The following INSL6 variants were observed in gnomAD, a reference collection of about 807,000 sequenced individuals.
The protein encoded by INSL6 is insulin-like peptide INSL6.
A neutral mutation model predicts 9.4 loss-of-function variants in INSL6; 16 were observed. The ratio of observed to expected loss-of-function variants is 1.70; its 90% CI spans 1.15 to 2.59. The LOEUF (loss-of-function observed/expected upper bound fraction) is 2.59. Among genes scored for constraint, INSL6 ranks in the 30% most tolerant of loss-of-function variants. The pLI, the probability that INSL6 is intolerant of heterozygous loss-of-function variation, is 0.00. For missense variants in INSL6, 391 were observed against 257.3 expected, an observed-to-expected ratio of 1.52 and a Z score of -3.56; for synonymous variants, 154 against 96.9, an observed-to-expected ratio of 1.59 and a Z score of -3.46.
chr9:5,129,268 T>G (rs1404273666), intron 3 of INSL6, among the ~76,000 whole-genome samples: 1 of 152,060 alleles, frequency 6.6e-6, no homozygotes, highest in African/African-American at 2.4e-5. Context: ...TAAATTGAAA[T>G]AGTGATGTAG....
At chr9:5,100,701 C>G in the INSL6 span, 3 of 152,158 alleles carry the variant, frequency 2.0e-5, no homozygotes, top group African/African-American at 4.8e-5. Context: ...AGAAGGAAAT[C>G]GAAAGCAAAT....
the INSL6 span, chr9:5,090,644 GT>G: frequency 2.0e-6 from 3 of 1,512,490 alleles, no homozygotes; most frequent in African/African-American, 4.2e-5. Context: ...TCATCTAGAC[GT>G]TTTCATAGAT....
chr9:5,088,426 C>A, the INSL6 span, among the ~76,000 whole-genome samples: 6 of 152,086 alleles, frequency 3.9e-5, no homozygotes, highest in Admixed American at 3.3e-4. Flanking sequence ...ATCCAAAATA[C>A]ACTAATTTGA....
At chr9:5,122,098 G>A (rs1175623464), downstream of INSL6, among the ~76,000 whole-genome samples, 2 of 152,162 alleles carry the variant, frequency 1.3e-5, no homozygotes, top group Admixed American at 6.5e-5. Flanking sequence ...AATAAGACCT[G>A]GAGTAGGCAG....
At chr9:5,143,992 T>G (rs1405320111) in intron 2 of INSL6, among the ~76,000 whole-genome samples, 1 of 152,222 alleles carries the variant, frequency 6.6e-6, no homozygotes, top group Non-Finnish European at 1.5e-5. Context: ...TTTTCCTGTC[T>G]GTATCTCCTT....
the INSL6 span, among the ~76,000 whole-genome samples, chr9:5,113,084 C>G: frequency 6.6e-6 from 1 of 152,006 alleles, no homozygotes; most frequent in Non-Finnish European, 1.5e-5. Context: ...TCACCCCTCA[C>G]TGCCCTCGCT....
At chr9:4,997,991 GTTC>G in the INSL6 span, among the ~76,000 whole-genome samples, 7 of 151,956 alleles carry the variant, frequency 4.6e-5, no homozygotes, top group South Asian at 4.1e-4. Flanking sequence ...AATATTCAGT[GTTC>G]TTCTAGCATG....
chr9:5,155,528 AT>A (rs373313470), intron 2 of INSL6, among the ~76,000 whole-genome samples: 10,316 of 149,456 alleles, frequency 0.069, 1,059 homozygotes, highest in African/African-American at 0.23. Flanking sequence ...GAACTACTAA[AT>A]AAAAAAAAAA....
chr9:5,063,738 G>A, the INSL6 span, among the ~76,000 whole-genome samples: 49 of 152,222 alleles, frequency 3.2e-4, no homozygotes, highest in East Asian at 9.5e-3. Flanking sequence ...CATCCTCTTT[G>A]TTACAAATGG....
At chr9:5,135,696 C>T (rs906097461) in intron 2 of INSL6, among the ~76,000 whole-genome samples, 2 of 152,068 alleles carry the variant, frequency 1.3e-5, no homozygotes, top group Non-Finnish European at 2.9e-5. Flanking sequence ...GACACCCTAA[C>T]ATCACAATTA....
At chr9:5,147,774 T>C (rs114541657) in intron 2 of INSL6, among the ~76,000 whole-genome samples, 1 of 152,212 alleles carries the variant, frequency 6.6e-6, no homozygotes, top group Non-Finnish European at 1.5e-5. Context: ...TTTGACTGCG[T>C]TGATTTGAAA....
the INSL6 span, among the ~76,000 whole-genome samples, chr9:5,013,622 CTGCCAATAA>C: frequency 1.3e-5 from 2 of 152,280 alleles, no homozygotes; most frequent in East Asian, 3.9e-4. Flanking sequence ...GCTTTTCTCC[CTGCCAATAA>C]TGCCCTGTTT....
the INSL6 span, among the ~76,000 whole-genome samples, chr9:5,022,713 A>C: frequency 6.6e-6 from 1 of 152,082 alleles, no homozygotes; most frequent in Admixed American, 6.5e-5. Flanking sequence ...TTGAGACCTG[A>C]TTATATTATC....
the INSL6 span, among the ~76,000 whole-genome samples, chr9:5,031,364 C>T: frequency 6.6e-6 from 1 of 152,250 alleles, no homozygotes; most frequent in Non-Finnish European, 1.5e-5. Flanking sequence ...AATTCAGAAT[C>T]ATAAACTAAA....
intron 2 of INSL6, among the ~76,000 whole-genome samples, chr9:5,138,668 A>C (rs1262565640): frequency 6.6e-6 from 1 of 152,034 alleles, no homozygotes; most frequent in Non-Finnish European, 1.5e-5. Flanking sequence ...ACCATGACAC[A>C]TGTATACCTA....
chr9:5,064,801 C>A, the INSL6 span: 5 of 1,041,022 alleles, frequency 4.8e-6, no homozygotes, highest in Non-Finnish European at 5.4e-6. Context: ...TTGTATTTAA[C>A]ATGGAATGAA....
chr9:5,130,590 T>C (rs1440771717), intron 3 of INSL6, among the ~76,000 whole-genome samples: 1 of 152,210 alleles, frequency 6.6e-6, no homozygotes, highest in Non-Finnish European at 1.5e-5. Context: ...TGAAAATGTT[T>C]AGGTGCTTTT....
chr9:5,078,519 T>C, the INSL6 span: 4 of 1,088,036 alleles, frequency 3.7e-6, no homozygotes, highest in Admixed American at 9.8e-5. Context: ...TGTTGTTAAT[T>C]TTCCTTGAAT....
At position 5,148,759 on chromosome 9, in the gene INSL6, G is replaced by A. The variant is rs1449951612; in HGVS notation, c.377-15167C>T. On this transcript the variant is annotated intron_variant, in intron 2 of 3. Coordinates refer to the INSL6 transcript ENST00000649639. ...GACCTGCTCGTGGCTCCCTTTTCCA[G>A]ACATTTGGGGTTGGGTTCCTGGTGT... Among the ~76,000 whole-genome samples, 6 of 152,312 alleles carry A rather than the reference G, an allele frequency of 3.9e-5. No individual in the cohort carries two copies. In the South Asian group the frequency reaches 1.0e-3, roughly 26 times the overall value.
Sources: allele counts gnomAD v4.1 joint callset (sites outside exome capture counted in the v4.1 genomes callset), GRCh38; gene constraint gnomAD v4.1.1; transcripts MANE v1.5; gene names NCBI Gene and HGNC (gene_info 2026-07-23, HGNC 2026-07-21).